Variants in FANCM observed in about 807,000 individuals in gnomAD.
FANCM encodes Fanconi anemia group M protein.
FANCM carries 140 observed loss-of-function variants against 199.5 expected under a neutral mutation model. The ratio of observed to expected loss-of-function variants is 0.70; its 90% CI spans 0.61 to 0.81. The LOEUF (loss-of-function observed/expected upper bound fraction) is 0.81. Among genes scored for constraint, FANCM ranks in the 30% least tolerant of loss-of-function variants. The pLI, the probability that FANCM is intolerant of heterozygous loss-of-function variation, is 0.00. For missense variants in FANCM, 2,410 were observed against 2,421.4 expected, an observed-to-expected ratio of 1.00 and a Z score of 0.10; for synonymous variants, 840 against 836.8, an observed-to-expected ratio of 1.00 and a Z score of -0.07.
chr14:45,140,625 TC>T lies in FANCM; in HGVS notation c.682-6del, dbSNP rs775413053. 4 of 1,558,120 alleles carry T rather than the reference TC, an allele frequency of 2.6e-6. No individual in the cohort carries two copies. The East Asian group carries it at 9.0e-5, about 35-fold the overall frequency. ...AGATGAAACTAAAGAACTTTTTTTT[TC>T]TTAAGGTTGTAAGAGAACTAGTCAA... On this transcript the variant is annotated splice_region_variant and splice_polypyrimidine_tract_variant and intron_variant, in intron 2 of 22. Coordinates refer to ENST00000267430, the MANE Select transcript of FANCM (RefSeq NM_020937.4).
chr14:45,180,371 A>G (rs1297538964), intron 14 of FANCM, among the ~76,000 whole-genome samples: 1 of 151,934 alleles, frequency 6.6e-6, no homozygotes, highest in Non-Finnish European at 1.5e-5. Context: ...TGCTGTTAGT[A>G]GGAGACCTTG....
At chr14:45,197,985 T>G (rs188324346) in intron 21 of FANCM, among the ~76,000 whole-genome samples, 2 of 151,956 alleles carry the variant, frequency 1.3e-5, no homozygotes, top group African/African-American at 4.8e-5. Flanking sequence ...GCCAGGATGG[T>G]CTCGATTTCT....
At chr14:45,186,234 T>C (rs1889393085) in intron 18 of FANCM, among the ~76,000 whole-genome samples, 1 of 152,178 alleles carries the variant, frequency 6.6e-6, no homozygotes, top group South Asian at 2.1e-4. Flanking sequence ...AGAGGCCTCA[T>C]TGAGAAGGTG....
At chr14:45,188,513 T>G (rs1273630663) in intron 19 of FANCM, among the ~76,000 whole-genome samples, 2 of 152,222 alleles carry the variant, frequency 1.3e-5, no homozygotes, top group African/African-American at 4.8e-5. Context: ...CTCTCTGTAC[T>G]TCCATTGTGC....
At chr14:45,170,545 A>G in intron 11 of FANCM, 44 bp from the exon 12 acceptor site, 1 of 1,463,232 alleles carries the variant, frequency 6.8e-7, no homozygotes, top group Non-Finnish European at 9.5e-7. Context: ...TTTGCTTTGC[A>G]GATTTTTAAA....
intron 3 of FANCM, among the ~76,000 whole-genome samples, chr14:45,146,832 C>CAAAAA (rs762253487): frequency 4.7e-5 from 2 of 42,160 alleles, no homozygotes; most frequent in Non-Finnish European, 1.1e-4. Context: ...GACTCTGTCT[C>CAAAAA]AAAAAAAAAA....
chr14:45,193,552 C>G (rs1889891348), intron 20 of FANCM, among the ~76,000 whole-genome samples: 2 of 152,170 alleles, frequency 1.3e-5, no homozygotes, highest in Non-Finnish European at 2.9e-5. Flanking sequence ...TCATTTTGAG[C>G]TAACTTTCGT....
chr14:45,191,981 C>A (rs371129266), intron 20 of FANCM, among the ~76,000 whole-genome samples: 2 of 151,984 alleles, frequency 1.3e-5, no homozygotes, highest in East Asian at 3.8e-4. Context: ...CTAAGTACTT[C>A]CACTATTTTC....
chr14:45,152,671 G>A (rs1304847073), intron 5 of FANCM, among the ~76,000 whole-genome samples: 3 of 152,216 alleles, frequency 2.0e-5, no homozygotes, highest in African/African-American at 4.8e-5. Context: ...GGGAGACAGT[G>A]AGCAGACCAA....
Position 45,154,737 on chromosome 14 carries a change from C to T in FANCM, c.1224C>T (p.Asp408=). 2 of 1,603,344 alleles carry T rather than the reference C, an allele frequency of 1.2e-6. No homozygotes were observed. Among genetic ancestry groups the T allele is most frequent in the Non-Finnish European group, 1.7e-6 (2 of 1,172,430 alleles). ...AAAATGAACTTGGCCGAAATGAAGA[C>T]TTCATGAAACTCTATAATCATCTAG... ...RSKNELGRNE[D]FMKLYNHLEC... Residue 408 remains aspartate, a synonymous_variant, in exon 7 of 23, where the codon GAC becomes GAT. Transcript: ENST00000267430.
chr14:45,182,446 T>G (rs1482340382), intron 16 of FANCM, among the ~76,000 whole-genome samples: 2 of 152,178 alleles, frequency 1.3e-5, no homozygotes, highest in Non-Finnish European at 2.9e-5. Context: ...TGACTCTGGT[T>G]TTTGGCTTGA....
At position 45,187,674 on chromosome 14, in the gene FANCM, G is replaced by A. The variant is rs1335196817; in HGVS notation, c.4673-107G>A. 5 of 615,584 alleles carry A rather than the reference G, an allele frequency of 8.1e-6. No homozygotes were observed. The East Asian group carries it at 1.4e-4, about 18-fold the overall frequency. 38.1% of individuals were successfully genotyped at this position (615,584 alleles called of 1,614,324 possible). On this transcript the variant is annotated intron_variant, in intron 18 of 22. Transcript: ENST00000267430. ...TTTATTGTCTTTGTGTAAAATATTT[G>A]CACAAGGTTTGAATCAAGTAAATTT...
intron 14 of FANCM, among the ~76,000 whole-genome samples, chr14:45,177,912 C>CA (rs1430892849): frequency 6.6e-6 from 1 of 152,034 alleles, no homozygotes; most frequent in Non-Finnish European, 1.5e-5. Flanking sequence ...GACCAGACCA[C>CA]AAAAAATCAG....
At position 45,135,969 on chromosome 14, in the gene FANCM, C is replaced by A; in HGVS notation, c.-63C>A. 6.4e-7 allele frequency: 1 copy of A among 1,573,846 alleles called. No individual in the cohort carries two copies. Among genetic ancestry groups the A allele is most frequent in the Non-Finnish European group, 8.7e-7 (1 of 1,146,588 alleles). ...GAAGGAAACCGATGGGGATCGGAAC[C>A]GTAGCGGTTGAGCTGCTGCTGCTAC... On this transcript the variant is annotated 5_prime_UTR_variant, in exon 1 of 23. Transcript: ENST00000267430.
chr14:45,147,892 A>C (rs1886522608), intron 3 of FANCM, among the ~76,000 whole-genome samples: 2 of 145,186 alleles, frequency 1.4e-5, no homozygotes, highest in Non-Finnish European at 3.0e-5. Context: ...GGGAGGTTCC[A>C]AACCGCCCCC....
At chr14:45,192,083 A>C (rs1889800741) in intron 20 of FANCM, among the ~76,000 whole-genome samples, 1 of 152,044 alleles carries the variant, frequency 6.6e-6, no homozygotes, top group South Asian at 2.1e-4. Flanking sequence ...ATAATTTCTG[A>C]ATAATTGGGA....
Position 45,136,309 on chromosome 14 carries a change from A to C in FANCM, c.278A>C (p.Asp93Ala). 6.2e-7 allele frequency: 1 copy of C among 1,614,130 alleles called. No homozygotes were observed. The highest frequency in any genetic ancestry group is 1.1e-5 in the South Asian group (1 of 91,080). Residue 93 changes from aspartate (D) to alanine (A), a missense_variant, in exon 1 of 23, where the codon GAC becomes GCC. Coordinates refer to ENST00000267430, the MANE Select transcript of FANCM (RefSeq NM_020937.4). Reference protein sequence around the residue: ...WIYPTNCPVRDYQLHISRAAL... With the variant: ...WIYPTNCPVRAYQLHISRAAL... ...TACCCTACCAATTGCCCAGTGCGGG[A>C]CTACCAGCTGCACATTTCCCGGGCT...
intron 9 of FANCM, among the ~76,000 whole-genome samples, chr14:45,163,682 T>C (rs1020101236): frequency 6.6e-6 from 1 of 152,208 alleles, no homozygotes; most frequent in Non-Finnish European, 1.5e-5. Context: ...CAGATAAAGC[T>C]ATACATTTAG....
chr14:45,197,757 G>A (rs1890143609), intron 21 of FANCM, among the ~76,000 whole-genome samples: 1 of 138,520 alleles, frequency 7.2e-6, no homozygotes, highest in Non-Finnish European at 1.5e-5. Context: ...GAGCCACCAT[G>A]CCCAGCCTTC....
Sources: gnomAD v4.1 joint callset for allele counts (sites outside exome capture counted in the v4.1 genomes callset) on GRCh38, gnomAD v4.1.1 for gene constraint, MANE v1.5 for transcripts, NCBI Gene and HGNC (gene_info 2026-07-23, HGNC 2026-07-21) for gene names.